MAX: variants seen among roughly 807,000 people sequenced by gnomAD.
The protein encoded by MAX is MYC associated transcriptional regulator X.
Under a neutral mutation model 22.3 loss-of-function variants are expected in MAX, and 3 were observed. The ratio of observed to expected loss-of-function variants is 0.13; its 90% confidence interval spans 0.06 to 0.35. The LOEUF (loss-of-function observed/expected upper bound fraction) is 0.35, where lower values mean the gene tolerates loss of function less well. Among genes scored for constraint, MAX ranks in the 10% least tolerant of loss-of-function variants. The probability of loss-of-function intolerance (pLI) is 1.00; values close to 1 mark genes in which losing one functional copy is unlikely to be tolerated. For synonymous variants in MAX, 72 were observed against 77.7 expected (o/e 0.93, Z 0.39); for missense variants, 119 against 209.4 (o/e 0.57, Z 2.66).
rs571684509 is a variant in MAX at position 65,012,080 on chromosome 14, G to A, written c.172-5796C>T. 17 of 469,240 alleles carry A rather than the reference G, an allele frequency of 3.6e-5. No individual in the cohort carries two copies. Among genetic ancestry groups the A allele is most frequent in the East Asian group, 3.5e-4 (9 of 25,386 alleles). 29.1% of individuals were successfully genotyped at this position (469,240 alleles called of 1,614,324 possible). On this transcript the variant is annotated intron_variant, in intron 3 of 3. Transcript: ENST00000341653. The surrounding 1 kb of genome is among the most constrained non-coding windows in gnomAD (Gnocchi z 5.0). ...AAGTCACTGCCTTTAGGAGACAATCGCACTCTAAATGTCAGCTGGCATGGT... is the reference window on the plus strand; with the variant it reads ...AAGTCACTGCCTTTAGGAGACAATCACACTCTAAATGTCAGCTGGCATGGT...
chr14:65,006,443 A>C (rs2061592247), intron 3 of MAX, among the ~76,000 whole-genome samples: 1 of 152,232 alleles, frequency 6.6e-6, no homozygotes, highest in Non-Finnish European at 1.5e-5. Context: ...GACGCCATTT[A>C]TTTAAATAGC....
At chr14:65,096,808 G>A (rs150092822) in intron 2 of MAX, among the ~76,000 whole-genome samples, 1 of 152,200 alleles carries the variant, frequency 6.6e-6, no homozygotes, top group African/African-American at 2.4e-5. Context: ...CAAATGGTAC[G>A]GAAAACCCCC....
chr14:65,026,086 T>C (rs1053768403), intron 3 of MAX, among the ~76,000 whole-genome samples: 1 of 152,242 alleles, frequency 6.6e-6, no homozygotes, highest in Admixed American at 6.5e-5. Flanking sequence ...GTAGTCTTTC[T>C]GGCAGCAGTA....
In MAX at chr14:65,031,775, G is replaced by T. The variant is rs1397836121; in HGVS notation, c.172-25491C>A. On this transcript the variant is annotated intron_variant, in intron 3 of 3. Transcript: ENST00000341653. The surrounding 1 kb of genome is among the most constrained non-coding windows in gnomAD (Gnocchi z 4.6). ...ATCTCCACTAAAAATAGAAAAATAAGCCAGGCATGGTGGCATGCGCCTGTA... is the reference window on the plus strand; with the variant it reads ...ATCTCCACTAAAAATAGAAAAATAATCCAGGCATGGTGGCATGCGCCTGTA... 2.6e-5 allele frequency among the ~76,000 whole-genome samples: 4 copies of T among 152,072 alleles called. No homozygotes were observed. The highest frequency in any genetic ancestry group is 6.5e-5 in the Admixed American group (1 of 15,278).
At position 65,012,574 on chromosome 14, in the gene MAX, A is replaced by G. The variant is rs2061700940; in HGVS notation, c.172-6290T>C. ...ACTCAGCCCTGAAAGGGCAGAACCT[A>G]GTCTCTTCCAGAGTGAGTGGAGCAC... On this transcript the variant is annotated intron_variant, in intron 3 of 3. Transcript: ENST00000341653. This position sits in a 1 kb window ranked among gnomAD's most constrained non-coding sequence, Gnocchi z 5.0. Among the ~76,000 whole-genome samples, 1 of 152,230 alleles carries G rather than the reference A, an allele frequency of 6.6e-6. No individual in the cohort carries two copies. Among genetic ancestry groups the G allele is most frequent in the Non-Finnish European group, 1.5e-5 (1 of 68,034 alleles).
chr14:65,007,873 A>T lies in MAX; in HGVS notation c.172-1589T>A, dbSNP rs1380758538. On this transcript the variant is annotated intron_variant, in intron 3 of 3. Coordinates refer to the MAX transcript ENST00000341653. This position sits in a 1 kb window ranked among gnomAD's most constrained non-coding sequence, Gnocchi z 4.9. ...CTGGGCAAGGAGACGGGTGCTCCTCAGAAGTGAGAAATATTGATAATGTCC... is the reference window on the plus strand; with the variant it reads ...CTGGGCAAGGAGACGGGTGCTCCTCTGAAGTGAGAAATATTGATAATGTCC... Among the ~76,000 whole-genome samples, 2 of 152,202 alleles carry T rather than the reference A, an allele frequency of 1.3e-5. No homozygotes were observed. Among genetic ancestry groups the T allele is most frequent in the East Asian group, 3.8e-4 (2 of 5,202 alleles).
At chr14:65,092,147 T>C (rs1313860823) in intron 3 of MAX, among the ~76,000 whole-genome samples, 1 of 152,238 alleles carries the variant, frequency 6.6e-6, no homozygotes, top group Non-Finnish European at 1.5e-5. Context: ...TGTGATCCTA[T>C]GACCCACCTC....
Position 65,078,057 on chromosome 14 carries a change from G to T in MAX, c.172-21C>A. The T allele has an allele frequency of 6.2e-7, 1 of 1,614,158 alleles. No homozygotes were observed. Among genetic ancestry groups the T allele is most frequent in the Non-Finnish European group, 8.5e-7 (1 of 1,180,030 alleles). ...GATGCCTGTGGCAATATGAGAAAAA[G>T]CACAGGGGACAAAATAAAAACCCAA... On this transcript the variant is annotated intron_variant, in intron 3 of 4. Transcript: ENST00000358664. This position sits in a 1 kb window ranked among gnomAD's most constrained non-coding sequence, Gnocchi z 6.4.
At position 65,102,509 on chromosome 14, in the gene MAX, C is replaced by A; in HGVS notation, c.-170G>T. The A allele has an allele frequency of 6.8e-7, 1 of 1,479,020 alleles. No homozygotes were observed. 91.6% of individuals were successfully genotyped at this position (1,479,020 alleles called of 1,614,324 possible). On this transcript the variant is annotated 5_prime_UTR_variant, in exon 1 of 5. The change creates a new upstream start codon in the 5' untranslated region. Transcript: ENST00000358664. ...CACACACAACACGGGCAAGAACCAC[C>A]TCCTCACTGCAGCACCGGATCAACG...
chr14:65,055,225 A>G (rs1357369567), intron 3 of MAX, among the ~76,000 whole-genome samples: 10 of 152,236 alleles, frequency 6.6e-5, no homozygotes, highest in African/African-American at 2.4e-4. Context: ...TGAAAAAACA[A>G]TAGCCCTATG....
Position 65,075,331 on chromosome 14 carries a change from C to T in MAX, c.*1145G>A. On this transcript the variant is annotated 3_prime_UTR_variant, in exon 5 of 5. Coordinates refer to ENST00000358664, the MANE Select transcript of MAX (RefSeq NM_002382.5). The surrounding 1 kb of genome is among the most constrained non-coding windows in gnomAD (Gnocchi z 4.1). ...AAGACAAAGAAATGAGGCCTAAACA[C>T]ACAAAACCCTTCACTGGCATCTGCT... The T allele has an allele frequency of 6.6e-6, 7 of 1,063,172 alleles. No homozygotes were observed. Among genetic ancestry groups the T allele is most frequent in the Non-Finnish European group, 8.0e-6 (7 of 877,728 alleles). 65.9% of individuals were successfully genotyped at this position (1,063,172 alleles called of 1,614,324 possible). A position where few individuals can be genotyped will look rare whatever the true frequency, so the allele number is the denominator to read the frequency against.
intron 3 of MAX, among the ~76,000 whole-genome samples, chr14:65,089,077 C>G (rs1169505300): frequency 6.6e-6 from 1 of 152,190 alleles, no homozygotes; most frequent in South Asian, 2.1e-4. Context: ...CAGAGCAAGA[C>G]CCTCAAGGGT....
At chr14:65,017,121 C>T (rs2061790155) in intron 3 of MAX, among the ~76,000 whole-genome samples, 1 of 152,044 alleles carries the variant, frequency 6.6e-6, no homozygotes, top group South Asian at 2.1e-4. Flanking sequence ...TAGGCTTTCA[C>T]CATATTGACC....
At position 65,044,383 on chromosome 14, in the gene MAX, T is replaced by C; in HGVS notation, c.172-38099A>G. 6.2e-7 allele frequency: 1 copy of C among 1,613,282 alleles called. No homozygotes were observed. Among genetic ancestry groups the C allele is most frequent in the Non-Finnish European group, 8.5e-7 (1 of 1,179,728 alleles). On this transcript the variant is annotated intron_variant, in intron 3 of 3. Transcript: ENST00000341653. This position sits in a 1 kb window ranked among gnomAD's most constrained non-coding sequence, Gnocchi z 5.5. ...CCGCTGCAACAAGCTGGTGGATGGC[T>C]GCTACTCCTTCTGGCAGGCGGGGCT...
At chr14:65,037,402 CCTTTTT>C (rs1199770372) in intron 3 of MAX, among the ~76,000 whole-genome samples, 349 of 14,512 alleles carry the variant, frequency 0.024, 139 homozygotes, top group East Asian at 0.064. Context: ...CACGCCGGGC[CCTTTTT>C]TTTTTTTTTT....
intron 3 of MAX, among the ~76,000 whole-genome samples, chr14:65,010,035 G>A (rs1208349487): frequency 6.6e-6 from 1 of 152,130 alleles, no homozygotes; most frequent in African/African-American, 2.4e-5. Context: ...GCCTTCTCTT[G>A]TTTACAATTT....
intron 3 of MAX, among the ~76,000 whole-genome samples, chr14:65,049,161 G>A (rs966311272): frequency 2.0e-5 from 3 of 151,056 alleles, no homozygotes; most frequent in African/African-American, 7.3e-5. Flanking sequence ...AATCTCAAGT[G>A]CTGACTAAAT....
At chr14:65,061,409 TTAGCCTCAGTGGAGC>T (rs1200661281) in intron 3 of MAX, 2 of 1,515,698 alleles carry the variant, frequency 1.3e-6, no homozygotes, top group African/African-American at 2.8e-5. Flanking sequence ...TACACAAGCC[TTAGCCTCAGTGGAGC>T]TGTGGTTCTC....
At chr14:65,067,843 G>A (rs1209404859) in intron 3 of MAX, among the ~76,000 whole-genome samples, 1 of 147,568 alleles carries the variant, frequency 6.8e-6, no homozygotes, top group African/African-American at 2.6e-5. Flanking sequence ...ATGTTGCCCA[G>A]GCTGGTCTTG....
Sources: allele counts gnomAD v4.1 joint callset (sites outside exome capture counted in the v4.1 genomes callset), GRCh38; gene constraint gnomAD v4.1.1; non-coding constraint Gnocchi (gnomAD v3.1); transcripts MANE v1.5; gene names NCBI Gene and HGNC (gene_info 2026-07-23, HGNC 2026-07-21).